VPS13B: variants seen among roughly 807,000 people sequenced by gnomAD.
VPS13B encodes intermembrane lipid transfer protein VPS13B.
In VPS13B, 285 loss-of-function variants were observed where a neutral mutation model predicts 426.4. The ratio of observed to expected loss-of-function variants is 0.67; its 90% CI spans 0.61 to 0.74. The LOEUF is 0.74. VPS13B is among the 30% of genes least tolerant of loss of function. The pLI, the probability that VPS13B is intolerant of heterozygous loss-of-function variation, is 0.00. For synonymous variants in VPS13B, 1,676 were observed against 1,676.4 expected (o/e 1.00, Z 0.01); for missense variants, 4,537 against 4,782.6 (o/e 0.95, Z 1.51).
chr8:99,413,450 A>G (rs555104116), intron 21 of VPS13B, among the ~76,000 whole-genome samples: 8 of 150,766 alleles, frequency 5.3e-5, no homozygotes, highest in African/African-American at 1.9e-4. Flanking sequence ...CTTCTCTCTT[A>G]GTTATTTCTT....
chr8:99,340,108 C>G (rs1300766850), intron 19 of VPS13B, among the ~76,000 whole-genome samples: 1 of 152,092 alleles, frequency 6.6e-6, no homozygotes, highest in Non-Finnish European at 1.5e-5. Context: ...TTTCGGACAC[C>G]CAGGAAGTAA....
intron 19 of VPS13B, among the ~76,000 whole-genome samples, chr8:99,368,492 G>A (rs987105616): frequency 4.0e-5 from 6 of 151,848 alleles, no homozygotes; most frequent in African/African-American, 1.5e-4. Flanking sequence ...TTGTACCATT[G>A]TATCCTCTCA....
intron 21 of VPS13B, among the ~76,000 whole-genome samples, chr8:99,421,483 G>A (rs1382155193): frequency 2.6e-5 from 4 of 151,994 alleles, no homozygotes; most frequent in African/African-American, 9.7e-5. Context: ...TAATAGAAAA[G>A]GCAGCATAAC....
At chr8:99,700,605 G>A (rs1004183205) in intron 36 of VPS13B, among the ~76,000 whole-genome samples, 1 of 152,190 alleles carries the variant, frequency 6.6e-6, no homozygotes, top group South Asian at 2.1e-4. Flanking sequence ...GCAAAGTGGG[G>A]TACAGACTCT....
chr8:99,084,217 C>G (rs1241724506), intron 3 of VPS13B, among the ~76,000 whole-genome samples: 1 of 152,126 alleles, frequency 6.6e-6, no homozygotes, highest in Non-Finnish European at 1.5e-5. Flanking sequence ...TCCATTTCTT[C>G]TAGATTTTCT....
intron 30 of VPS13B, chr8:99,527,811 AT>A: frequency 6.6e-6 from 1 of 152,306 alleles, no homozygotes; most frequent in South Asian, 2.1e-4. Context: ...AAGCATATTA[AT>A]AATTTAATAA....
At chr8:99,557,173 A>G (rs926841209) in intron 31 of VPS13B, among the ~76,000 whole-genome samples, 17 of 151,824 alleles carry the variant, frequency 1.1e-4, no homozygotes, top group Non-Finnish European at 4.4e-5. Flanking sequence ...TTTTGGGTAC[A>G]GGTAGTTTTG....
chr8:99,152,319 G>T (rs187861967), intron 14 of VPS13B, among the ~76,000 whole-genome samples: 1 of 152,098 alleles, frequency 6.6e-6, no homozygotes, highest in African/African-American at 2.4e-5. Context: ...ACATTTTTTA[G>T]TTATGTTACT....
Position 99,467,456 on chromosome 8 carries a change from T to C in VPS13B, c.3488T>C (p.Ile1163Thr). The change falls in exon 24 of 62, where the codon ATA (isoleucine) becomes ACA (threonine). Residue 1163 changes from isoleucine to threonine, a missense_variant. By Grantham distance (89) the Ile-to-Thr change is moderately conservative. This residue lies in a region of VPS13B where 4,311 missense variants were observed against 4,474.3 expected (regional missense o/e 0.96). Transcript: ENST00000357162. ...PWTISLHNFS[I>T]YTLLGKQVTL... ...ACGATCAGCTTGCATAATTTCAGCA[T>C]ATATACCCTTCTTGGAAAACAAGTG... 1.2e-6 allele frequency: 2 copies of C among 1,613,778 alleles called. No individual in the cohort carries two copies. The highest frequency in any genetic ancestry group is 1.7e-6 in the Non-Finnish European group (2 of 1,179,752).
chr8:99,839,258 G>A (rs1815553884), intron 54 of VPS13B, among the ~76,000 whole-genome samples: 1 of 152,134 alleles, frequency 6.6e-6, no homozygotes, highest in Non-Finnish European at 1.5e-5. Flanking sequence ...CTTCGCAAAT[G>A]GATTGTTTTG....
intron 21 of VPS13B, among the ~76,000 whole-genome samples, chr8:99,422,695 CAT>C (rs1816438117): frequency 6.6e-6 from 1 of 152,102 alleles, no homozygotes; most frequent in South Asian, 2.1e-4. Context: ...AATTAATATA[CAT>C]GTTTTAAAAA....
chr8:99,581,672 A>G (rs1196838485), intron 33 of VPS13B, among the ~76,000 whole-genome samples: 1 of 152,084 alleles, frequency 6.6e-6, no homozygotes, highest in Non-Finnish European at 1.5e-5. Flanking sequence ...TTCCCTGAGC[A>G]TTTTCTTTGA....
At chr8:99,231,949 G>A (rs1048900946) in intron 17 of VPS13B, among the ~76,000 whole-genome samples, 5 of 152,142 alleles carry the variant, frequency 3.3e-5, no homozygotes, top group African/African-American at 1.2e-4. Flanking sequence ...TTGGTTGATT[G>A]ATTGGTTTGG....
intron 3 of VPS13B, among the ~76,000 whole-genome samples, chr8:99,084,712 G>C (rs201490250): frequency 4.6e-5 from 7 of 152,012 alleles, no homozygotes; most frequent in South Asian, 2.1e-4. Flanking sequence ...TTGTTATGTA[G>C]CCAGTAGTCA....
At chr8:99,290,536 A>T (rs1026028008) in intron 19 of VPS13B, among the ~76,000 whole-genome samples, 33 of 151,994 alleles carry the variant, frequency 2.2e-4, no homozygotes, top group African/African-American at 7.5e-4. Flanking sequence ...GGATAGCATT[A>T]GGAGATATAC....
chr8:99,499,440 T>G (rs558835423), intron 25 of VPS13B, among the ~76,000 whole-genome samples: 3 of 152,308 alleles, frequency 2.0e-5, no homozygotes, highest in Admixed American at 2.0e-4. Context: ...TTTCTCTCAG[T>G]TCTCCATCCT....
chr8:99,871,863 T>G (rs1046220875), intron 61 of VPS13B, among the ~76,000 whole-genome samples, 166 bp downstream of exon 61: 1 of 151,872 alleles, frequency 6.6e-6, no homozygotes, highest in Non-Finnish European at 1.5e-5. Context: ...GGAGGGCCGC[T>G]GCGAAAGGGC....
chr8:99,050,193 C>A (rs920160298), intron 3 of VPS13B, among the ~76,000 whole-genome samples: 2 of 151,878 alleles, frequency 1.3e-5, no homozygotes, highest in African/African-American at 4.8e-5. Flanking sequence ...CCTCCCCCCA[C>A]CACACAACAG....
chr8:99,407,744 G>A (rs1450203030), intron 21 of VPS13B, among the ~76,000 whole-genome samples: 3 of 151,744 alleles, frequency 2.0e-5, no homozygotes, highest in Non-Finnish European at 2.9e-5. Context: ...ATGTATACAT[G>A]TGCCATGTTG....
Sources: allele counts gnomAD v4.1 joint callset (sites outside exome capture counted in the v4.1 genomes callset), GRCh38; gene constraint gnomAD v4.1.1; regional missense constraint gnomAD v4.1.1; transcripts MANE v1.5; gene names NCBI Gene and HGNC (gene_info 2026-07-23, HGNC 2026-07-21).